RNF130: variants seen among roughly 807,000 people sequenced by gnomAD.
The protein encoded by RNF130 is E3 ubiquitin-protein ligase RNF130.
A neutral mutation model predicts 44.6 loss-of-function variants in RNF130; 21 were observed. That is an observed-to-expected ratio of 0.47 (90% CI 0.33 to 0.68). The LOEUF is 0.68. Ranked by LOEUF, RNF130 falls within the 30% of genes least tolerant of loss-of-function variation. RNF130 has a pLI of 0.02. For missense variants in RNF130, 479 were observed against 560.6 expected (o/e 0.85, Z 1.47); for synonymous variants, 214 against 210.4 (o/e 1.02, Z -0.15).
chr5:179,975,750 A>G (rs943414797), intron 5 of RNF130, among the ~76,000 whole-genome samples: 3 of 152,180 alleles, frequency 2.0e-5, no homozygotes, highest in Non-Finnish European at 4.4e-5. Flanking sequence ...ACCAAGTAAC[A>G]GTACCATAGA....
chr5:180,030,160 A>G (rs1325243819), intron 2 of RNF130, among the ~76,000 whole-genome samples: 2 of 152,130 alleles, frequency 1.3e-5, no homozygotes, highest in East Asian at 3.9e-4. Context: ...CCACTTTTTA[A>G]TACCATTCTA....
chr5:180,044,810 C>T (rs112297602), intron 1 of RNF130, among the ~76,000 whole-genome samples: 16,162 of 151,260 alleles, frequency 0.11, 1,854 homozygotes, highest in African/African-American at 0.29. Context: ...CCAGCCTGGG[C>T]GACGGAAGTA....
At chr5:180,066,077 T>A (rs1004060904) in intron 1 of RNF130, among the ~76,000 whole-genome samples, 1 of 152,230 alleles carries the variant, frequency 6.6e-6, no homozygotes, top group Non-Finnish European at 1.5e-5. Flanking sequence ...TGTGTACACA[T>A]ACACACGCCC....
At chr5:179,913,773 G>C (rs1048185734) in exon 8 of RNF130, 1 of 152,250 alleles carries the variant, frequency 6.6e-6, no homozygotes, top group Admixed American at 6.5e-5. Flanking sequence ...CCCCAACCCA[G>C]CCCTCTCAGC....
At chr5:180,052,402 GC>G (rs1384518852) in intron 1 of RNF130, among the ~76,000 whole-genome samples, 1 of 152,158 alleles carries the variant, frequency 6.6e-6, no homozygotes, top group Non-Finnish European at 1.5e-5. Flanking sequence ...AAACCAAGTG[GC>G]CATATGGAGA....
intron 3 of RNF130, among the ~76,000 whole-genome samples, chr5:179,985,017 C>G (rs1329143898): frequency 5.9e-5 from 9 of 152,134 alleles, no homozygotes; most frequent in African/African-American, 2.2e-4. Context: ...ATATTGTTAT[C>G]ATAGCTGCCC....
Position 180,071,318 on chromosome 5 carries a change from G to T in RNF130, c.247+138C>A, listed in dbSNP as rs1039300307. The T allele has an allele frequency of 5.3e-4, 430 of 808,578 alleles. 8 individuals carry two copies. Among genetic ancestry groups the T allele is most frequent in the Non-Finnish European group, 9.8e-5 (59 of 603,910 alleles). 50.1% of individuals were successfully genotyped at this position (808,578 alleles called of 1,614,324 possible). A position where few individuals can be genotyped will look rare whatever the true frequency, so the allele number is the denominator to read the frequency against. ...GGGAGCAGGCCGGGCTGTCCACGAC[G>T]GAAGCCTCGACCCTGGCTGGGGCTG... On this transcript the variant is annotated intron_variant, in intron 1 of 8. Transcript: ENST00000521389.
rs1762461976 is a variant in RNF130 at position 179,966,859 on chromosome 5, G to A, written c.1097C>T (p.Pro366Leu). 3 of 1,614,078 alleles carry A rather than the reference G, an allele frequency of 1.9e-6. No homozygotes were observed. The highest frequency in any genetic ancestry group is 2.5e-6 in the Non-Finnish European group (3 of 1,180,048). The change falls in exon 7 of 9, where the codon CCT becomes CTT. Residue 366 changes from proline to leucine, a missense_variant. Pro to Leu is a moderately conservative substitution (Grantham distance 98). Coordinates refer to ENST00000521389, the MANE Select transcript of RNF130 (RefSeq NM_018434.6). ...PLRTSGISPL[P>L]QDGELTPRTG... is the part of the protein sequence containing the mutation. ...TCTCGGAGTGAGCTCCCCATCCTGA[G>A]GAAGAGGTGAGATCCCCGAAGTTCG...
chr5:180,015,912 C>T (rs570923860), intron 2 of RNF130, among the ~76,000 whole-genome samples: 111 of 152,328 alleles, frequency 7.3e-4, no homozygotes, highest in African/African-American at 2.6e-3. Flanking sequence ...ATCCATTCAA[C>T]AATATTTATT....
At chr5:180,033,228 C>T (rs1764171961) in intron 2 of RNF130, among the ~76,000 whole-genome samples, 1 of 152,204 alleles carries the variant, frequency 6.6e-6, no homozygotes, top group South Asian at 2.1e-4. Context: ...GTGATCCTCC[C>T]TCCTTGGCCT....
downstream of RNF130, among the ~76,000 whole-genome samples, chr5:179,951,008 T>C (rs1026350181): frequency 3.3e-5 from 5 of 152,166 alleles, no homozygotes; most frequent in African/African-American, 1.2e-4. Flanking sequence ...AAGCTATCAA[T>C]ACAAGAGAGT....
intron 1 of RNF130, among the ~76,000 whole-genome samples, chr5:180,046,455 G>A (rs1764569519): frequency 6.6e-6 from 1 of 152,162 alleles, no homozygotes; most frequent in East Asian, 1.9e-4. Flanking sequence ...TCATTTCTTA[G>A]AAATGTAAAC....
chr5:179,974,096 T>C lies in RNF130; in HGVS notation c.849-3590A>G, dbSNP rs79017176. ...AGCTCTGCAGCCTCTTGGTGCCATGTAAGAACCTGGCAAATATAAAAGGAT... is the reference window on the plus strand; with the variant it reads ...AGCTCTGCAGCCTCTTGGTGCCATGCAAGAACCTGGCAAATATAAAAGGAT... On this transcript the variant is annotated intron_variant, in intron 5 of 8. Coordinates refer to ENST00000521389, the MANE Select transcript of RNF130 (RefSeq NM_018434.6). Among the ~76,000 whole-genome samples the C allele has an allele frequency of 5.5e-4, 83 of 152,272 alleles. 1 individual carries two copies. The highest frequency in any genetic ancestry group is 1.1e-3 in the Non-Finnish European group (76 of 68,016).
At chr5:179,978,963 C>A (rs1726495176) in intron 4 of RNF130, among the ~76,000 whole-genome samples, 2 of 152,252 alleles carry the variant, frequency 1.3e-5, no homozygotes, top group South Asian at 4.2e-4. Flanking sequence ...GCCAAGAAAA[C>A]AGACTATTTG....
intron 3 of RNF130, among the ~76,000 whole-genome samples, chr5:180,004,944 C>T (rs536474850): frequency 2.3e-4 from 35 of 151,998 alleles, no homozygotes; most frequent in African/African-American, 8.2e-4. Flanking sequence ...TTTTTTTTCT[C>T]AAAAGAAGCC....
Position 179,943,773 on chromosome 5 carries a change from G to A in RNF130, c.1150+23033C>T, listed in dbSNP as rs543703546. Among the ~76,000 whole-genome samples, 4 of 152,082 alleles carry A rather than the reference G, an allele frequency of 2.6e-5. No individual in the cohort carries two copies. In the East Asian group the frequency reaches 7.7e-4, roughly 29 times the overall value. ...CTTAGATTGCAGCTATGATTAAACC[G>A]CAAAGTATATTTAACAGTGATTAAA... On this transcript the variant is annotated intron_variant, in intron 7 of 7. Transcript: ENST00000522208.
chr5:179,924,314 G>A (rs1422899918), intron 7 of RNF130, among the ~76,000 whole-genome samples: 1 of 151,438 alleles, frequency 6.6e-6, no homozygotes, highest in Non-Finnish European at 1.5e-5. Context: ...TGACCAACAT[G>A]GAGAAACCCT....
intron 7 of RNF130, among the ~76,000 whole-genome samples, chr5:179,929,329 C>T (rs778063838): frequency 5.3e-5 from 8 of 152,174 alleles, no homozygotes; most frequent in Non-Finnish European, 8.8e-5. Flanking sequence ...ATCCTTGCAT[C>T]GATACCTTAC....
At chr5:179,975,029 G>A (rs543915591) in intron 5 of RNF130, among the ~76,000 whole-genome samples, 1 of 152,380 alleles carries the variant, frequency 6.6e-6, no homozygotes, top group Non-Finnish European at 1.5e-5. Flanking sequence ...AGGTGCTGCT[G>A]TGCCGAATGC....
Sources: allele counts gnomAD v4.1 joint callset (sites outside exome capture counted in the v4.1 genomes callset), GRCh38; gene constraint gnomAD v4.1.1; transcripts MANE v1.5; gene names NCBI Gene and HGNC (gene_info 2026-07-23, HGNC 2026-07-21).